Variants in RALYL observed in about 807,000 individuals in gnomAD.
RALYL encodes the protein RNA-binding Raly-like protein.
A neutral mutation model predicts 35.1 loss-of-function variants in RALYL; 29 were observed. That is an observed-to-expected ratio of 0.83 (90% CI 0.61 to 1.13). RALYL has a LOEUF of 1.13. Ranked by LOEUF, RALYL falls within the 50% of genes most tolerant of loss-of-function variation. The pLI is 0.00. For synonymous variants in RALYL, 120 were observed against 127.6 expected (o/e 0.94, Z 0.40); for missense variants, 359 against 360.4 (o/e 1.00, Z 0.03).
At chr8:84,298,243 C>T in intron 1 of RALYL, among the ~76,000 whole-genome samples, 1 of 151,878 alleles carries the variant, frequency 6.6e-6, no homozygotes, top group Non-Finnish European at 1.5e-5. Flanking sequence ...ATTTCAATCT[C>T]TTACACAAGG....
chr8:84,499,623 T>C (rs1191277481), intron 1 of RALYL, among the ~76,000 whole-genome samples: 1 of 151,972 alleles, frequency 6.6e-6, no homozygotes. Context: ...AGTCATGGTG[T>C]TTCCTCATGT....
intron 1 of RALYL, among the ~76,000 whole-genome samples, chr8:84,397,962 T>C (rs1174621803): frequency 6.6e-6 from 1 of 152,228 alleles, no homozygotes; most frequent in Non-Finnish European, 1.5e-5. Context: ...CCATCTTTCT[T>C]TCTTCTTATG....
intron 2 of RALYL, among the ~76,000 whole-genome samples, chr8:84,745,267 C>T (rs762524595): frequency 3.4e-4 from 52 of 152,062 alleles, no homozygotes; most frequent in Admixed American, 6.6e-4. Context: ...TTCTTCAAGA[C>T]GAACTGCCAC....
chr8:84,754,630 A>G (rs1003366235), intron 2 of RALYL, among the ~76,000 whole-genome samples: 10 of 152,114 alleles, frequency 6.6e-5, no homozygotes, highest in African/African-American at 2.2e-4. Flanking sequence ...CCAGTTGGGT[A>G]CCATTCTCTC....
At chr8:84,429,593 T>C (rs2046922392) in intron 1 of RALYL, among the ~76,000 whole-genome samples, 1 of 152,142 alleles carries the variant, frequency 6.6e-6, no homozygotes, top group South Asian at 2.1e-4. Flanking sequence ...ACATGTTTAT[T>C]TCTGCGGTGG....
chr8:84,621,534 G>A (rs1460838343), intron 2 of RALYL, among the ~76,000 whole-genome samples: 1 of 152,168 alleles, frequency 6.6e-6, no homozygotes, highest in Non-Finnish European at 1.5e-5. Flanking sequence ...ACCTCAGATG[G>A]AAATGCAGAA....
intron 2 of RALYL, among the ~76,000 whole-genome samples, chr8:84,665,198 G>T (rs1831751677): frequency 6.6e-6 from 1 of 152,032 alleles, no homozygotes; most frequent in South Asian, 2.1e-4. Flanking sequence ...GCTTTTTGAT[G>T]TGTGGCTGGA....
intron 1 of RALYL, among the ~76,000 whole-genome samples, chr8:84,201,046 T>C (rs914077844): frequency 2.6e-5 from 4 of 152,198 alleles, no homozygotes; most frequent in African/African-American, 9.6e-5. Context: ...CTGATGGTGA[T>C]AAATTTCACA....
At chr8:84,421,921 T>C (rs1394429559) in intron 1 of RALYL, among the ~76,000 whole-genome samples, 1 of 151,318 alleles carries the variant, frequency 6.6e-6, no homozygotes, top group Non-Finnish European at 1.5e-5. Context: ...GTGGATAAGC[T>C]TTTTGATGTG....
chr8:84,401,439 C>T (rs1243019353), intron 1 of RALYL, among the ~76,000 whole-genome samples: 1 of 151,594 alleles, frequency 6.6e-6, no homozygotes, highest in African/African-American at 2.4e-5. Flanking sequence ...AGATCGAGAC[C>T]ATCTTGGCTT....
At chr8:84,832,911 A>G (rs1831202712) in intron 4 of RALYL, among the ~76,000 whole-genome samples, 3 of 152,078 alleles carry the variant, frequency 2.0e-5, no homozygotes, top group Admixed American at 2.0e-4. Context: ...ATTGGTATTC[A>G]TTATCTTATT....
At chr8:84,734,836 C>T (rs531158795) in intron 2 of RALYL, among the ~76,000 whole-genome samples, 6 of 151,504 alleles carry the variant, frequency 4.0e-5, no homozygotes, top group Middle Eastern at 3.4e-3. Flanking sequence ...ATAAGGTGCA[C>T]CAAAGTACCT....
intron 1 of RALYL, among the ~76,000 whole-genome samples, chr8:84,330,173 A>C (rs1846548855): frequency 6.6e-6 from 1 of 152,008 alleles, no homozygotes; most frequent in African/African-American, 2.4e-5. Flanking sequence ...AATTAAAAGC[A>C]CAGTGTCGTA....
chr8:84,741,621 A>T (rs1277101422), intron 2 of RALYL, among the ~76,000 whole-genome samples: 1 of 151,968 alleles, frequency 6.6e-6, no homozygotes, highest in Non-Finnish European at 1.5e-5. Context: ...CTTATGACTT[A>T]ATCACCTTCT....
intron 2 of RALYL, among the ~76,000 whole-genome samples, chr8:84,680,272 C>A (rs1210305141): frequency 6.6e-6 from 1 of 152,056 alleles, no homozygotes; most frequent in Non-Finnish European, 1.5e-5. Flanking sequence ...GGCTTGGTTC[C>A]AAGTCTTTGC....
chr8:84,362,395 C>T (rs1853229512), intron 1 of RALYL, among the ~76,000 whole-genome samples: 2 of 152,104 alleles, frequency 1.3e-5, no homozygotes, highest in South Asian at 2.1e-4. Context: ...GATATCTCAG[C>T]ATCTGATGTG....
In RALYL at chr8:84,667,429, C is replaced by T. The variant is rs560933122; in HGVS notation, c.257-107150C>T. 1.1e-4 allele frequency among the ~76,000 whole-genome samples: 16 copies of T among 152,062 alleles called. No homozygotes were observed. The East Asian group carries it at 2.3e-3, about 22-fold the overall frequency. On this transcript the variant is annotated intron_variant, in intron 2 of 8. Coordinates refer to ENST00000521268, the MANE Select transcript of RALYL (RefSeq NM_173848.7). The stretch of plus-strand genomic sequence containing the variant: ...CTTTTACTCCTTCTTAGTATATTTG[C>T]CATAATTTTCTATGAAGAGAAACTT...
chr8:84,898,616 C>T (rs566088916), intron 8 of RALYL, among the ~76,000 whole-genome samples: 5 of 152,328 alleles, frequency 3.3e-5, no homozygotes, highest in African/African-American at 1.2e-4. Context: ...TAAGGTAACA[C>T]TGCACACCCT....
intron 1 of RALYL, among the ~76,000 whole-genome samples, chr8:84,471,751 G>A (rs1360132917): frequency 6.6e-6 from 1 of 152,098 alleles, no homozygotes; most frequent in Non-Finnish European, 1.5e-5. Flanking sequence ...CTTAAACATT[G>A]GGTATGTCAT....
Sources: allele counts gnomAD v4.1 joint callset (sites outside exome capture counted in the v4.1 genomes callset), GRCh38; gene constraint gnomAD v4.1.1; transcripts MANE v1.5; gene names NCBI Gene and HGNC (gene_info 2026-07-23, HGNC 2026-07-21).